EP400: variants seen among roughly 807,000 people sequenced by gnomAD.
The protein encoded by EP400 is E1A-binding protein p400.
Under a neutral mutation model 354.1 loss-of-function variants are expected in EP400, and 105 were observed. The ratio of observed to expected loss-of-function variants is 0.30; its 90% CI spans 0.25 to 0.35. EP400 has a LOEUF of 0.35. Among genes scored for constraint, EP400 ranks in the 10% least tolerant of loss-of-function variants. EP400 has a pLI of 1.00. For missense variants in EP400, 3,280 were observed against 4,121.0 expected (o/e 0.80, Z 5.59); for synonymous variants, 1,646 against 1,716.9 (o/e 0.96, Z 1.02).
In EP400 at chr12:132,045,598, G is replaced by A. The variant is rs766039045; in HGVS notation, c.7026+38G>A. ...GGTCTTTGTGCCAGCGGTCATGTGC[G>A]GTCATTTTTCTAACGCACGTCCGTG... On this transcript the variant is annotated intron_variant, in intron 38 of 52. Coordinates refer to ENST00000389561, the MANE Select transcript of EP400 (RefSeq NM_015409.5). The A allele has an allele frequency of 1.9e-5, 30 of 1,609,708 alleles. No homozygotes were observed. The South Asian group carries it at 2.1e-4, about 11-fold the overall frequency.
At position 132,034,711 on chromosome 12, in the gene EP400, C is replaced by T. The variant is rs559273378; in HGVS notation, c.5951+2562C>T. 3.6e-4 allele frequency among the ~76,000 whole-genome samples: 55 copies of T among 152,330 alleles called. 1 individual carries two copies. In the South Asian group the frequency reaches 0.01, roughly 28 times the overall value. ...GAGGGCCTTTCTGTCATGAATGTGC[C>T]GCACACCTTGTGCTCCACGAGTGAG... On this transcript the variant is annotated intron_variant, in intron 30 of 52. Transcript: ENST00000389561.
Position 132,017,784 on chromosome 12 carries a change from A to G in EP400, c.4110+63A>G. ...TATCTTTTCTAGGCACATTATAGAT[A>G]AAACCATTCTTGGAAATGGGTTCTC... On this transcript the variant is annotated intron_variant, in intron 20 of 52. Coordinates refer to ENST00000389561, the MANE Select transcript of EP400 (RefSeq NM_015409.5). This position sits in a 1 kb window ranked among gnomAD's most constrained non-coding sequence, Gnocchi z 5.0. 2.1e-6 allele frequency: 3 copies of G among 1,462,190 alleles called. No homozygotes were observed. In the South Asian group the frequency reaches 4.3e-5, roughly 21 times the overall value. 90.6% of individuals were successfully genotyped at this position (1,462,190 alleles called of 1,614,324 possible).
chr12:131,987,544 C>A (rs532353127), intron 6 of EP400, among the ~76,000 whole-genome samples, 161 bp from the exon 7 acceptor site: 1 of 152,138 alleles, frequency 6.6e-6, no homozygotes, highest in Non-Finnish European at 1.5e-5. Context: ...CCTTTGTGTT[C>A]GAATCTTACC....
At chr12:131,989,368 A>G (rs1246180950) in intron 7 of EP400, among the ~76,000 whole-genome samples, 1 of 152,204 alleles carries the variant, frequency 6.6e-6, no homozygotes, top group East Asian at 1.9e-4. Flanking sequence ...GAGTGGGAAC[A>G]CGGCGTGTGC....
chr12:131,958,085 G>T (rs953825967), intron 1 of EP400, among the ~76,000 whole-genome samples: 3 of 152,032 alleles, frequency 2.0e-5, no homozygotes, highest in Non-Finnish European at 4.4e-5. Flanking sequence ...TGACACTCTG[G>T]GAATGTATTG....
chr12:132,077,286 T>C, intron 52 of EP400, 115 bp from the exon 53 acceptor site: 1 of 1,337,026 alleles, frequency 7.5e-7, no homozygotes. Context: ...TTCCGTGTCA[T>C]AAAAGCATAG....
intron 47 of EP400, 122 bp from the exon 48 acceptor site, chr12:132,064,546 C>CGCA (rs1157445846): frequency 7.5e-7 from 1 of 1,335,494 alleles, no homozygotes; most frequent in Non-Finnish European, 1.0e-6. Flanking sequence ...GGATGCTGCA[C>CGCA]GGTAGCAGGT....
intron 2 of EP400, chr12:131,963,545 C>T: frequency 6.3e-7 from 1 of 1,597,816 alleles, no homozygotes. Flanking sequence ...AAGGTTGTGA[C>T]AGGAAAGGAT....
chr12:132,064,696 A>G lies in EP400; in HGVS notation c.8363A>G (p.Lys2788Arg). 6.2e-7 allele frequency: 1 copy of G among 1,612,940 alleles called. No individual in the cohort carries two copies. Among genetic ancestry groups the G allele is most frequent in the Non-Finnish European group, 8.5e-7 (1 of 1,179,142 alleles). ...PEHLIKMQKQ[K>R]LQMPPQPPPP... is the part of the protein sequence containing the mutation. ...CACCTCATCAAAATGCAGAAGCAGA[A>G]ACTGCAGATGCCCCCGCAGCCCCCA... Residue 2788 changes from lysine (K) to arginine (R), a missense_variant, in exon 48 of 53, where the codon AAA (lysine) becomes AGA (arginine). Coordinates refer to ENST00000389561, the MANE Select transcript of EP400 (RefSeq NM_015409.5).
Position 132,055,156 on chromosome 12 carries a change from T to G in EP400, c.7832T>G (p.Phe2611Cys). ...NTIAGVPAATFQSINKRLASP... is the reference protein window; with the variant it reads ...NTIAGVPAATCQSINKRLASP... ...ATCGCAGGGGTCCCAGCTGCCACCT[T>G]CCAGTCCATCAACAAGCGCCTGGCG... Residue 2611 changes from phenylalanine (F) to cysteine (C), a missense_variant, in exon 45 of 53, where the codon TTC becomes TGC. Transcript: ENST00000389561. The G allele has an allele frequency of 6.2e-7, 1 of 1,602,754 alleles. No individual in the cohort carries two copies. Among genetic ancestry groups the G allele is most frequent in the Non-Finnish European group, 8.5e-7 (1 of 1,174,244 alleles).
chr12:132,049,951 G>A (rs560037095), intron 39 of EP400, among the ~76,000 whole-genome samples: 11 of 152,304 alleles, frequency 7.2e-5, no homozygotes, highest in South Asian at 6.2e-4. Context: ...GTGGCAGTCC[G>A]CGCTGCCCCT....
At position 131,990,166 on chromosome 12, in the gene EP400, T is replaced by C. The variant is rs550119733; in HGVS notation, c.2550+62T>C. 4.5e-6 allele frequency: 7 copies of C among 1,544,082 alleles called. No homozygotes were observed. The South Asian group carries it at 8.7e-5, about 19-fold the overall frequency. On this transcript the variant is annotated intron_variant, in intron 8 of 52. Coordinates refer to ENST00000389561, the MANE Select transcript of EP400 (RefSeq NM_015409.5). The surrounding 1 kb of genome is among the most constrained non-coding windows in gnomAD (Gnocchi z 4.2). ...GTCTGTCGGAGCTGGTGAGGCCACTTCCCGAGACCAGAGCTCGGGCACCTT... is the reference window on the plus strand; with the variant it reads ...GTCTGTCGGAGCTGGTGAGGCCACTCCCCGAGACCAGAGCTCGGGCACCTT...
chr12:132,029,772 A>G lies in EP400; in HGVS notation c.5453A>G (p.Tyr1818Cys). The change falls in exon 28 of 53, where the codon TAC becomes TGC. Residue 1818 changes from tyrosine to cysteine, a missense_variant. Tyr to Cys is a radical substitution (Grantham distance 194). Transcript: ENST00000389561. This position sits in a 1 kb window ranked among gnomAD's most constrained non-coding sequence, Gnocchi z 4.7. ...CGGGTGCCGCGGCCGCCACCCCTGT[A>G]CAGCCACAGAATGAGGATCTTGAGG... ...SLRVPRPPPL[Y>C]SHRMRILRQG... The G allele has an allele frequency of 6.2e-7, 1 of 1,613,506 alleles. No individual in the cohort carries two copies.
chr12:132,020,292 C>T (rs1032571130), intron 22 of EP400, 74 bp downstream of exon 22: 62 of 1,472,240 alleles, frequency 4.2e-5, no homozygotes, highest in Non-Finnish European at 5.2e-5. Context: ...ACTTTCTTCT[C>T]GCGCCTCTGG....
rs1398683694 is a variant in EP400 at position 132,013,388 on chromosome 12, G to A, written c.3612-102G>A. The A allele has an allele frequency of 1.4e-6, 2 of 1,457,732 alleles. No individual in the cohort carries two copies. Among genetic ancestry groups the A allele is most frequent in the Non-Finnish European group, 1.8e-6 (2 of 1,087,120 alleles). The allele number at this position is 1,457,732 out of a possible 1,614,324, so 90.3% of individuals were successfully genotyped here. The stretch of plus-strand genomic sequence containing the variant: ...GCATGTGCACGTTGACATTTGCGGT[G>A]TCAAATTACTGTCCCTTTTCTCACA... On this transcript the variant is annotated intron_variant, in intron 17 of 52. Coordinates refer to ENST00000389561, the MANE Select transcript of EP400 (RefSeq NM_015409.5). The surrounding 1 kb of genome is among the most constrained non-coding windows in gnomAD (Gnocchi z 4.5).
intron 41 of EP400, 93 bp from the exon 42 acceptor site, chr12:132,053,053 C>T: frequency 7.3e-7 from 1 of 1,370,776 alleles, no homozygotes; most frequent in Non-Finnish European, 1.0e-6. Flanking sequence ...GGAGCTGCCC[C>T]AGCACCTGGC....
chr12:132,053,387 G>GGCCC lies in EP400; in HGVS notation c.7518_7519insGCCC (p.Pro2507AlafsTer76). The GGCCC allele has an allele frequency of 2.6e-6, 4 of 1,546,946 alleles. No homozygotes were observed. The East Asian group carries it at 6.9e-5, about 27-fold the overall frequency. On this transcript the variant is annotated frameshift_variant, in exon 43 of 53. Transcript: ENST00000389561. LOFTEE classifies it high-confidence loss of function. ...AGGCACAGCAGCCGGCCGTGGCCCA[G>GGCCC]CCACCCCCGCCCCAGCCGCAGCCCC...
In EP400 at chr12:132,028,215, T is replaced by C; in HGVS notation, c.5308T>C (p.Ser1770Pro). The C allele has an allele frequency of 6.2e-7, 1 of 1,614,182 alleles. No homozygotes were observed. Among genetic ancestry groups the C allele is most frequent in the South Asian group, 1.1e-5 (1 of 91,080 alleles). The change falls in exon 27 of 53, where the codon TCC becomes CCC. Residue 1770 changes from serine (S) to proline (P), a missense_variant. Around this residue, in one of 20 missense-constraint regions of EP400, gnomAD observed 459 missense variants for 496.9 expected, o/e 0.92. Transcript: ENST00000389561. The stretch of plus-strand genomic sequence containing the variant: ...CGGGCCAGCGCACAGTTACACTTCA[T>C]CCTCAGAAAGTCCAAGTGAGCTGAT... Reference protein sequence around the residue: ...EAGPAHSYTSSSESPSELMLT... With the variant: ...EAGPAHSYTSPSESPSELMLT...
chr12:131,990,147 C>T lies in EP400; in HGVS notation c.2550+43C>T, dbSNP rs187534332. ...CATGGGGTCGTAAGAATCAGTCTGT[C>T]GGAGCTGGTGAGGCCACTTCCCGAG... On this transcript the variant is annotated intron_variant, in intron 8 of 52. Coordinates refer to ENST00000389561, the MANE Select transcript of EP400 (RefSeq NM_015409.5). This position sits in a 1 kb window ranked among gnomAD's most constrained non-coding sequence, Gnocchi z 4.2. The T allele has an allele frequency of 3.2e-3, 5,010 of 1,569,646 alleles. 12 individuals are homozygous for T. The highest frequency in any genetic ancestry group is 4.5e-3 in the Middle Eastern group (25 of 5,538).
Sources: gnomAD v4.1 joint callset for allele counts (sites outside exome capture counted in the v4.1 genomes callset) on GRCh38, gnomAD v4.1.1 for gene constraint, gnomAD v4.1.1 regional missense constraint, Gnocchi (gnomAD v3.1) non-coding constraint, MANE v1.5 for transcripts, NCBI Gene and HGNC (gene_info 2026-07-23, HGNC 2026-07-21) for gene names.